RFT1: variants seen among roughly 807,000 people sequenced by gnomAD.
The protein encoded by RFT1 is RFT1 glycolipid translocator homolog.
RFT1 carries 43 observed loss-of-function variants against 62.2 expected under a neutral mutation model. That is an observed-to-expected ratio of 0.69 (90% confidence interval 0.54 to 0.89). The LOEUF (loss-of-function observed/expected upper bound fraction) is 0.89, where lower values mean the gene tolerates loss of function less well. Among genes scored for constraint, RFT1 ranks in the 40% least tolerant of loss-of-function variants. RFT1 has a pLI of 0.00. For missense variants in RFT1, 605 were observed against 649.9 expected (o/e 0.93, Z 0.75); for synonymous variants, 262 against 264.6 (o/e 0.99, Z 0.10).
chr3:53,072,907 C>A, the RFT1 span, among the ~76,000 whole-genome samples: 1 of 152,246 alleles, frequency 6.6e-6, no homozygotes, highest in South Asian at 2.1e-4. Context: ...AGGAGCCCAC[C>A]GCCCTCTCTG....
intron 7 of RFT1, among the ~76,000 whole-genome samples, chr3:53,108,118 A>G (rs937708388): frequency 2.6e-5 from 4 of 151,290 alleles, no homozygotes; most frequent in African/African-American, 9.7e-5. Flanking sequence ...GCGCGATCTC[A>G]GCTCACTGCA....
chr3:53,122,524 C>A lies in RFT1; in HGVS notation c.306G>T (p.Trp102Cys). The change falls in exon 4 of 13, where the codon TGG becomes TGT. Residue 102 changes from tryptophan (W) to cysteine (C), a missense_variant. By Grantham distance (215) the Trp-to-Cys change is radical (BLOSUM62 -2). Transcript: ENST00000296292. The stretch of plus-strand genomic sequence containing the variant: ...GCACTTCAAGCAGCTGCAACCAGAT[C>A]CAGCCCAGGAATAAGGACCAAAACA... ...LGVFWSLFLGWIWLQLLEVPD... is the reference protein window; with the variant it reads ...LGVFWSLFLGCIWLQLLEVPD... 6.2e-7 allele frequency: 1 copy of A among 1,613,442 alleles called. No homozygotes were observed. The highest frequency in any genetic ancestry group is 8.5e-7 in the Non-Finnish European group (1 of 1,179,720).
chr3:53,066,861 ATTATTCATAGCATCT>A, the RFT1 span, among the ~76,000 whole-genome samples: 4 of 152,254 alleles, frequency 2.6e-5, no homozygotes, highest in African/African-American at 9.6e-5. Flanking sequence ...CGTGCACAGG[ATTATTCATAGCATCT>A]TTATTCATAG....
At chr3:53,083,366 A>AC in the RFT1 span, among the ~76,000 whole-genome samples, 4 of 150,192 alleles carry the variant, frequency 2.7e-5, no homozygotes, top group African/African-American at 9.8e-5. Flanking sequence ...TAAAAAAAAA[A>AC]AAAAAAATTA....
At chr3:53,074,342 C>T in the RFT1 span, among the ~76,000 whole-genome samples, 1 of 152,218 alleles carries the variant, frequency 6.6e-6, no homozygotes, top group Non-Finnish European at 1.5e-5. Flanking sequence ...CTTTATGTCA[C>T]TCCATCTATT....
At chr3:53,084,787 T>C (rs577316786), downstream of RFT1, among the ~76,000 whole-genome samples, 1 of 152,274 alleles carries the variant, frequency 6.6e-6, no homozygotes, top group African/African-American at 2.4e-5. Context: ...GGTCATAACA[T>C]TGGGACACAT....
At chr3:53,111,226 A>G (rs565401322) in intron 7 of RFT1, among the ~76,000 whole-genome samples, 1 of 152,230 alleles carries the variant, frequency 6.6e-6, no homozygotes, top group South Asian at 2.1e-4. Flanking sequence ...TAACACGGTG[A>G]AACTCCGTCT....
At chr3:53,100,420 T>C (rs899187257) in intron 10 of RFT1, among the ~76,000 whole-genome samples, 17 of 152,112 alleles carry the variant, frequency 1.1e-4, no homozygotes, top group Non-Finnish European at 2.4e-4. Flanking sequence ...GACCCAGCAA[T>C]TGCACCCCTA....
the RFT1 span, among the ~76,000 whole-genome samples, chr3:53,073,448 C>A: frequency 4.4e-3 from 667 of 152,326 alleles, 5 homozygotes; most frequent in African/African-American, 0.015. Context: ...CGCCTCTGCA[C>A]CCTTTGTCCC....
chr3:53,084,526 T>A (rs1320698818), downstream of RFT1, among the ~76,000 whole-genome samples: 1 of 152,208 alleles, frequency 6.6e-6, no homozygotes, highest in Non-Finnish European at 1.5e-5. Flanking sequence ...TGCTCAGTTG[T>A]CACCTCCAAT....
chr3:53,102,091 AGATGATGACGTGAAGAGCGCAAGGGG>A (rs1456168619), intron 10 of RFT1, among the ~76,000 whole-genome samples: 2 of 151,784 alleles, frequency 1.3e-5, no homozygotes, highest in East Asian at 1.9e-4. Flanking sequence ...ACGTGCAGGG[AGATGATGACGTGAAGAGCGCAAGGGG>A]GATGATGACG....
At chr3:53,099,560 AC>A in intron 10 of RFT1, 74 bp from the exon 11 acceptor site, 1 of 1,142,608 alleles carries the variant, frequency 8.8e-7, no homozygotes, top group Non-Finnish European at 1.3e-6. Context: ...GCTGCTGAGT[AC>A]CCAGAGAACC....
intron 7 of RFT1, among the ~76,000 whole-genome samples, chr3:53,111,156 G>A (rs1701636941): frequency 1.3e-5 from 2 of 152,140 alleles, no homozygotes; most frequent in Admixed American, 6.5e-5. Flanking sequence ...GCTCGCGCCT[G>A]TAATCCCAGC....
chr3:53,082,556 T>C, the RFT1 span, among the ~76,000 whole-genome samples: 3 of 152,150 alleles, frequency 2.0e-5, no homozygotes, highest in Admixed American at 1.3e-4. Context: ...TAAAGGGGGC[T>C]GTGTAATCAG....
intron 1 of RFT1, among the ~76,000 whole-genome samples, chr3:53,129,171 C>T (rs554210363): frequency 6.6e-6 from 1 of 152,318 alleles, no homozygotes; most frequent in South Asian, 2.1e-4. Flanking sequence ...GCACATATCA[C>T]GTGCAAGGCA....
the RFT1 span, among the ~76,000 whole-genome samples, chr3:53,076,853 G>C: frequency 6.6e-6 from 1 of 151,950 alleles, no homozygotes; most frequent in Non-Finnish European, 1.5e-5. Flanking sequence ...AGGCTGAAGT[G>C]GGAGGATTGC....
intron 6 of RFT1, among the ~76,000 whole-genome samples, chr3:53,116,678 T>G (rs1307387306): frequency 6.6e-6 from 1 of 151,734 alleles, no homozygotes; most frequent in Admixed American, 6.6e-5. Context: ...CTCAGCTCAC[T>G]GCAACCTCCA....
At chr3:53,067,913 T>C in the RFT1 span, among the ~76,000 whole-genome samples, 35 of 152,216 alleles carry the variant, frequency 2.3e-4, no homozygotes, top group Admixed American at 2.3e-3. Flanking sequence ...TTATCACCAG[T>C]ATGTCAGTGC....
Position 53,130,391 on chromosome 3 carries a change from G to A in RFT1, c.10C>T (p.Gln4Ter), listed in dbSNP as rs773959881. The change falls in exon 1 of 13, where the codon CAG becomes TAG. Residue 4 changes from glutamine (Q) to a stop codon, truncating the protein, a stop_gained. Transcript: ENST00000296292. LOFTEE classifies it high-confidence loss of function. MGS[Q>*]EVLGHAARLA... is the part of the protein sequence containing the mutation. ...CGGGCCGCGTGGCCCAGCACCTCCT[G>A]GCTGCCCATAGCCTCCGCGCCAGGC... The A allele has an allele frequency of 1.3e-6, 2 of 1,555,932 alleles. No homozygotes were observed. The highest frequency in any genetic ancestry group is 1.2e-5 in the South Asian group (1 of 84,408).
Sources: gnomAD v4.1 joint callset for allele counts (sites outside exome capture counted in the v4.1 genomes callset) on GRCh38, gnomAD v4.1.1 for gene constraint, MANE v1.5 for transcripts, NCBI Gene and HGNC (gene_info 2026-07-23, HGNC 2026-07-21) for gene names.